The following IHO1 variants were observed in gnomAD, a reference collection of about 807,000 sequenced individuals.
The protein encoded by IHO1 is interactor of HORMAD1 protein 1.
A neutral mutation model predicts 31.0 loss-of-function variants in IHO1; 13 were observed. That is an observed-to-expected ratio of 0.42 (90% confidence interval 0.27 to 0.67). The LOEUF is 0.67. Ranked by LOEUF, IHO1 falls within the 30% of genes least tolerant of loss-of-function variation. The pLI is 0.24. For missense variants in IHO1, 599 were observed against 687.5 expected (o/e 0.87, Z 1.44); for synonymous variants, 221 against 248.4 (o/e 0.89, Z 1.04).
At chr3:49,255,337 G>A in intron 6 of IHO1, 53 bp from the exon 7 acceptor site, 1 of 1,282,920 alleles carries the variant, frequency 7.8e-7, no homozygotes, top group Non-Finnish European at 1.1e-6. Flanking sequence ...TGGGCAGATG[G>A]GACATACCAT....
At chr3:49,207,035 A>C (rs1465516621) in intron 1 of IHO1, among the ~76,000 whole-genome samples, 2 of 145,936 alleles carry the variant, frequency 1.4e-5, no homozygotes, top group African/African-American at 5.1e-5. Flanking sequence ...GTGACAGAGC[A>C]AGACTCTGTC....
Position 49,255,477 on chromosome 3 carries a change from A to G in IHO1, c.620A>G (p.Lys207Arg). 6.2e-7 allele frequency: 1 copy of G among 1,601,598 alleles called. No individual in the cohort carries two copies. Among genetic ancestry groups the G allele is most frequent in the Non-Finnish European group, 8.5e-7 (1 of 1,176,516 alleles). Residue 207 changes from lysine (K) to arginine (R), a missense_variant, in exon 7 of 8, where the codon AAG (lysine) becomes AGG (arginine). Transcript: ENST00000452691. ...ATGGAGCAGGCCATCCTTGAGATGA[A>G]GAAAAGATTTGAAGCTGTAAGTGTA... ...GNMEQAILEM[K>R]KRFEARQGEF... is the part of the protein sequence containing the mutation.
At chr3:49,196,052 G>A (rs2045994482), upstream of IHO1, among the ~76,000 whole-genome samples, 2 of 151,166 alleles carry the variant, frequency 1.3e-5, no homozygotes, top group Non-Finnish European at 1.5e-5. Flanking sequence ...TGGCTAACAC[G>A]GTAAAACCTC....
Position 49,225,162 on chromosome 3 carries a change from G to C in IHO1, c.57-11386G>C, listed in dbSNP as rs549594659. On this transcript the variant is annotated intron_variant, in intron 2 of 7. Coordinates refer to ENST00000452691, the MANE Select transcript of IHO1 (RefSeq NM_001135197.2). ...TCCAAGAGCTATCCCTGCTCTCTCT[G>C]TGATGTATAAAGAGAAGTTTTGGCT... Among the ~76,000 whole-genome samples, 11 of 152,292 alleles carry C rather than the reference G, an allele frequency of 7.2e-5. No individual in the cohort carries two copies. In the East Asian group the frequency reaches 1.5e-3, roughly 21 times the overall value.
upstream of IHO1, among the ~76,000 whole-genome samples, chr3:49,195,116 A>G (rs888218057): frequency 6.6e-6 from 1 of 151,970 alleles, no homozygotes; most frequent in African/African-American, 2.4e-5. Context: ...TAAAAATGTA[A>G]TAATTAAAAA....
rs2046626947 is a variant in IHO1, at chr3:49,241,255, G to A, written c.261G>A (p.Gln87=). Reference sequence around the variant, plus strand: ...AACCTAGCATTTTCACAAAGTACCAGACAAAGCCCCAGCTGTTCGGAGGAG... The same window carrying A: ...AACCTAGCATTTTCACAAAGTACCAAACAAAGCCCCAGCTGTTCGGAGGAG... ...EGEPSIFTKY[Q]TKPQLFGGDI... The change falls in exon 4 of 8, where the codon CAG becomes CAA. Residue 87 remains glutamine, a synonymous_variant. Coordinates refer to ENST00000452691, the MANE Select transcript of IHO1 (RefSeq NM_001135197.2). 4.3e-6 allele frequency: 7 copies of A among 1,611,830 alleles called. No individual in the cohort carries two copies. The highest frequency in any genetic ancestry group is 5.1e-6 in the Non-Finnish European group (6 of 1,179,302).
At chr3:49,220,613 A>G (rs1167395456) in intron 2 of IHO1, among the ~76,000 whole-genome samples, 3 of 152,152 alleles carry the variant, frequency 2.0e-5, no homozygotes, top group Non-Finnish European at 4.4e-5. Context: ...TCATGACTGT[A>G]ATCCCAGCAC....
chr3:49,208,140 A>T (rs369343507), intron 1 of IHO1, among the ~76,000 whole-genome samples: 3 of 152,234 alleles, frequency 2.0e-5, no homozygotes, highest in Non-Finnish European at 4.4e-5. Context: ...TAAGGGAAAC[A>T]TGCTTTTCTG....
At chr3:49,217,702 C>T (rs1305554251) in intron 2 of IHO1, among the ~76,000 whole-genome samples, 1 of 151,900 alleles carries the variant, frequency 6.6e-6, no homozygotes, top group African/African-American at 2.4e-5. Context: ...AGTGGGAGCC[C>T]TGAGTTTGCT....
chr3:49,250,890 C>T (rs563629632), intron 6 of IHO1, among the ~76,000 whole-genome samples: 101 of 151,914 alleles, frequency 6.6e-4, no homozygotes, highest in African/African-American at 2.3e-3. Context: ...ATTAGCCGGG[C>T]GTGGTGGCGC....
At chr3:49,205,995 G>C (rs751381188) in intron 1 of IHO1, among the ~76,000 whole-genome samples, 1 of 150,092 alleles carries the variant, frequency 6.7e-6, no homozygotes, top group Non-Finnish European at 1.5e-5. Flanking sequence ...ACGGAGTCTC[G>C]CTCTGTCTCC....
chr3:49,244,617 G>T, intron 5 of IHO1, 29 bp from the exon 6 acceptor site: 1 of 1,579,966 alleles, frequency 6.3e-7, no homozygotes. Context: ...AATAGCCTGT[G>T]AATTATTTCA....
At chr3:49,235,479 C>T (rs572900344) in intron 2 of IHO1, among the ~76,000 whole-genome samples, 54 of 150,984 alleles carry the variant, frequency 3.6e-4, no homozygotes, top group Admixed American at 3.4e-3. Flanking sequence ...CCACCCTCCT[C>T]GGCCTCCCAA....
intron 6 of IHO1, among the ~76,000 whole-genome samples, chr3:49,250,392 T>C (rs1388745898): frequency 2.6e-5 from 4 of 152,166 alleles, no homozygotes; most frequent in Non-Finnish European, 4.4e-5. Flanking sequence ...GCCAAACATA[T>C]GTTGCCCTGG....
At chr3:49,234,341 A>AT (rs907497489) in intron 2 of IHO1, among the ~76,000 whole-genome samples, 174 of 145,368 alleles carry the variant, frequency 1.2e-3, no homozygotes, top group Non-Finnish European at 1.9e-3. Context: ...TGCCCAGCTA[A>AT]TTTTTTTTTT....
Position 49,257,447 on chromosome 3 carries a change from T to C in IHO1, c.*165T>C. The C allele has an allele frequency of 6.0e-6, 4 of 662,750 alleles. No homozygotes were observed. The South Asian group carries it at 7.3e-5, about 12-fold the overall frequency. The allele number at this position is 662,750 out of a possible 1,614,324, so 41.1% of individuals were successfully genotyped here. A position where few individuals can be genotyped will look rare whatever the true frequency, so the allele number is the denominator to read the frequency against. On this transcript the variant is annotated 3_prime_UTR_variant, in exon 8 of 8. Coordinates refer to ENST00000452691, the MANE Select transcript of IHO1 (RefSeq NM_001135197.2). ...GGCAGGGAAGGTCCAGCATTCTGGG[T>C]ACCAGGTGCTGCCCCTGACAAGGAT... is the stretch of plus-strand genomic sequence containing the variant.
At chr3:49,212,909 T>C (rs1373434755) in intron 2 of IHO1, among the ~76,000 whole-genome samples, 2 of 152,172 alleles carry the variant, frequency 1.3e-5, no homozygotes, top group African/African-American at 2.4e-5. Flanking sequence ...CATCCTCCTT[T>C]TATTCCCTTA....
chr3:49,235,088 G>T (rs1253299563), intron 2 of IHO1, among the ~76,000 whole-genome samples: 3 of 151,948 alleles, frequency 2.0e-5, no homozygotes, highest in Non-Finnish European at 2.9e-5. Flanking sequence ...CTTGTGATCT[G>T]CCCACCTCGC....
chr3:49,228,323 C>T (rs780487320), intron 2 of IHO1: 16 of 449,712 alleles, frequency 3.6e-5, no homozygotes, highest in South Asian at 1.9e-4. Context: ...AACCAATGCT[C>T]TCCACTCCGA....
Sources: gnomAD v4.1 joint callset for allele counts (sites outside exome capture counted in the v4.1 genomes callset) on GRCh38, gnomAD v4.1.1 for gene constraint, MANE v1.5 for transcripts, NCBI Gene and HGNC (gene_info 2026-07-23, HGNC 2026-07-21) for gene names.